Variants in VASN observed in about 807,000 individuals in gnomAD.
VASN encodes protein slit-like 2.
In VASN, 5 loss-of-function variants were observed where a neutral mutation model predicts 4.8. The ratio of observed to expected loss-of-function variants is 1.03; its 90% CI spans 0.54 to 2.17. The LOEUF (loss-of-function observed/expected upper bound fraction) is 2.17. Ranked by LOEUF, VASN falls within the 30% of genes most tolerant of loss-of-function variation. The pLI is 0.01. For synonymous variants in VASN, 499 were observed against 460.8 expected (o/e 1.08, Z -1.06); for missense variants, 927 against 948.8 (o/e 0.98, Z 0.30).
At chr16:4,376,584 T>C (rs2054739913) in intron 1 of VASN, among the ~76,000 whole-genome samples, 1 of 152,134 alleles carries the variant, frequency 6.6e-6, no homozygotes, top group Admixed American at 6.5e-5. Flanking sequence ...GCTGATGTGG[T>C]CACCAGATGC....
chr16:4,373,471 C>A (rs1016923618), intron 1 of VASN, among the ~76,000 whole-genome samples: 1 of 152,094 alleles, frequency 6.6e-6, no homozygotes, highest in Non-Finnish European at 1.5e-5. Flanking sequence ...CCAGATGGCA[C>A]CTCTCTCTCC....
At chr16:4,373,779 C>T (rs1259100756) in intron 1 of VASN, among the ~76,000 whole-genome samples, 4 of 152,168 alleles carry the variant, frequency 2.6e-5, no homozygotes, top group Non-Finnish European at 4.4e-5. Context: ...GAAAGCAGGG[C>T]CCTGCTGAGC....
Position 4,380,828 on chromosome 16 carries a change from T to G in VASN, c.-9-41T>G, listed in dbSNP as rs761962031. The G allele has an allele frequency of 2.8e-6, 4 of 1,432,132 alleles. No individual in the cohort carries two copies. In the African/African-American group the frequency reaches 5.7e-5, roughly 21 times the overall value. The allele number at this position is 1,432,132 out of a possible 1,614,324, so 88.7% of individuals were successfully genotyped here. On this transcript the variant is annotated intron_variant, in intron 1 of 1. Coordinates refer to ENST00000304735, the MANE Select transcript of VASN (RefSeq NM_138440.3). ...CTGGCGTGTCTGCCTTCTAGGCCCC[T>G]GACTCACAGTCTTCTGTCTCTGCCT...
intron 1 of VASN, among the ~76,000 whole-genome samples, chr16:4,376,408 C>T (rs57054199): frequency 0.027 from 4,179 of 152,264 alleles, 179 homozygotes; most frequent in African/African-American, 0.092. Context: ...AGCGGGGGCC[C>T]GGAGTCTCAG....
In VASN at chr16:4,382,779, C is replaced by G. The variant is rs773431855; in HGVS notation, c.1902C>G (p.Gly634=). 1 of 1,575,402 alleles carries G rather than the reference C, an allele frequency of 6.3e-7. No homozygotes were observed. The highest frequency in any genetic ancestry group is 1.2e-5 in the South Asian group (1 of 86,288). The part of the protein sequence containing the change: ...LEGVKVPLEP[G]PKATEGGGEA... The stretch of plus-strand genomic sequence containing the variant: ...GAGTGAAGGTCCCCTTGGAGCCAGG[C>G]CCGAAGGCAACAGAGGGCGGTGGAG... The change falls in exon 2 of 2, where the codon GGC becomes GGG. Residue 634 remains glycine (G), a synonymous_variant. Coordinates refer to ENST00000304735, the MANE Select transcript of VASN (RefSeq NM_138440.3).
chr16:4,372,515 C>T (rs919236109), intron 1 of VASN, among the ~76,000 whole-genome samples: 9 of 152,284 alleles, frequency 5.9e-5, no homozygotes, highest in African/African-American at 1.9e-4. Context: ...CGTCCGATGC[C>T]CATCCCTCCA....
chr16:4,379,401 C>T (rs1312633543), intron 1 of VASN, among the ~76,000 whole-genome samples: 1 of 152,060 alleles, frequency 6.6e-6, no homozygotes, highest in East Asian at 1.9e-4. Context: ...ACCTGCCTGA[C>T]TTGGGCAGTG....
chr16:4,380,768 T>C (rs1000120584), intron 1 of VASN, 101 bp from the exon 2 acceptor site: 9 of 1,292,110 alleles, frequency 7.0e-6, no homozygotes, highest in Non-Finnish European at 8.2e-6. Context: ...CTCTTGCATT[T>C]GGGGGCAGAA....
At chr16:4,374,871 A>T (rs1436075645) in intron 1 of VASN, among the ~76,000 whole-genome samples, 1 of 151,954 alleles carries the variant, frequency 6.6e-6, no homozygotes, top group Non-Finnish European at 1.5e-5. Context: ...TTGGTGACTA[A>T]GGTGTTCTTC....
At position 4,375,548 on chromosome 16, in the gene VASN, C is replaced by T. The variant is rs576694503; in HGVS notation, c.-10+3555C>T. Reference sequence around the variant, plus strand: ...TGTCACCCAGGCTGGAGTGCAGTGGCGCAATATTGGCTCACTGCAAGCTCC... The same window carrying T: ...TGTCACCCAGGCTGGAGTGCAGTGGTGCAATATTGGCTCACTGCAAGCTCC... On this transcript the variant is annotated intron_variant, in intron 1 of 1. Coordinates refer to ENST00000304735, the MANE Select transcript of VASN (RefSeq NM_138440.3). 1.4e-4 allele frequency among the ~76,000 whole-genome samples: 21 copies of T among 152,310 alleles called. No individual in the cohort carries two copies. The East Asian group carries it at 2.5e-3, about 18-fold the overall frequency.
In VASN at chr16:4,381,785, T is replaced by C. The variant is rs974669533; in HGVS notation, c.908T>C (p.Val303Ala). The C allele has an allele frequency of 1.2e-6, 2 of 1,600,556 alleles. No individual in the cohort carries two copies. The highest frequency in any genetic ancestry group is 2.7e-5 in the African/African-American group (2 of 74,894). ...LAAARNPFNC[V>A]CPLSWFGPWV... ...GCTGCCCGCAACCCCTTCAACTGCG[T>C]GTGCCCCCTGAGCTGGTTTGGCCCC... Residue 303 changes from valine to alanine, a missense_variant, in exon 2 of 2, where the codon GTG (valine) becomes GCG (alanine). Physicochemically the swap from Val to Ala is moderately conservative, Grantham distance 64. Transcript: ENST00000304735.
At position 4,381,323 on chromosome 16, in the gene VASN, G is replaced by T; in HGVS notation, c.446G>T (p.Arg149Leu). 6.2e-7 allele frequency: 1 copy of T among 1,610,692 alleles called. No homozygotes were observed. Among genetic ancestry groups the T allele is most frequent in the Non-Finnish European group, 8.5e-7 (1 of 1,179,138 alleles). ...IQPGAFDTLDRLLELKLQDNE... is the reference protein window; with the variant it reads ...IQPGAFDTLDLLLELKLQDNE... The stretch of plus-strand genomic sequence containing the variant: ...CCTGGTGCCTTCGACACGCTCGACC[G>T]CCTCCTGGAGCTCAAGCTGCAGGAC... Residue 149 changes from arginine to leucine, a missense_variant, in exon 2 of 2, where the codon CGC becomes CTC. Transcript: ENST00000304735.
At chr16:4,374,148 G>A (rs1310931649) in intron 1 of VASN, among the ~76,000 whole-genome samples, 4 of 150,330 alleles carry the variant, frequency 2.7e-5, no homozygotes, top group South Asian at 2.1e-4. Flanking sequence ...TGGCGTGGGC[G>A]TGTCTGTGTG....
chr16:4,373,990 T>C (rs1268865832), intron 1 of VASN, among the ~76,000 whole-genome samples: 2 of 152,132 alleles, frequency 1.3e-5, no homozygotes, highest in Non-Finnish European at 2.9e-5. Flanking sequence ...GTCCCCTCCC[T>C]GGGCTGGGGA....
In VASN at chr16:4,381,465, G is replaced by T. The variant is rs565386785; in HGVS notation, c.588G>T (p.Ala196=). 3.2e-5 allele frequency: 51 copies of T among 1,579,158 alleles called. No individual in the cohort carries two copies. The highest frequency in any genetic ancestry group is 4.1e-5 in the Non-Finnish European group (48 of 1,164,372). Residue 196 remains alanine, a synonymous_variant, in exon 2 of 2, where the codon GCG becomes GCT. Transcript: ENST00000304735. ...TCCTGGACACTGCCAACGTGGAGGCGCTGCGGCTGGCTGGTCTGGGGCTGC... is the reference window on the plus strand; with the variant it reads ...TCCTGGACACTGCCAACGTGGAGGCTCTGCGGCTGGCTGGTCTGGGGCTGC... The part of the protein sequence containing the change: ...PGILDTANVE[A]LRLAGLGLQQ...
chr16:4,373,262 G>T (rs1232721451), intron 1 of VASN, among the ~76,000 whole-genome samples: 3 of 152,090 alleles, frequency 2.0e-5, no homozygotes, highest in Non-Finnish European at 4.4e-5. Context: ...AGCCCAGCTG[G>T]ATCCCCTCCA....
rs150235647 is a variant in VASN, at chr16:4,381,870, G to A, written c.993G>A (p.Pro331=). 20 of 1,603,466 alleles carry A rather than the reference G, an allele frequency of 1.2e-5. No individual in the cohort carries two copies. The highest frequency in any genetic ancestry group is 5.0e-5 in the Admixed American group (3 of 59,886). The change falls in exon 2 of 2, where the codon CCG becomes CCA. Residue 331 remains proline (P), a synonymous_variant. Coordinates refer to ENST00000304735, the MANE Select transcript of VASN (RefSeq NM_138440.3). ...ASPEETRCHF[P]PKNAGRLLLE... is the part of the protein sequence containing the mutation. ...CTGAGGAGACGCGCTGCCACTTCCC[G>A]CCCAAGAACGCTGGCCGGCTGCTCC...
Position 4,380,368 on chromosome 16 carries a change from C to T in VASN, c.-9-501C>T, listed in dbSNP as rs560726415. On this transcript the variant is annotated intron_variant, in intron 1 of 1. Transcript: ENST00000304735. The stretch of plus-strand genomic sequence containing the variant: ...CCATAGTTTCCATGTGAAGTCTTCC[C>T]GCTGCATTCCCTCCTCCAAGGAGGG... Among the ~76,000 whole-genome samples the T allele has an allele frequency of 7.2e-5, 11 of 152,338 alleles. No individual in the cohort carries two copies. In the East Asian group the frequency reaches 1.3e-3, roughly 19 times the overall value.
At chr16:4,378,667 G>T (rs1479044015) in intron 1 of VASN, among the ~76,000 whole-genome samples, 1 of 152,062 alleles carries the variant, frequency 6.6e-6, no homozygotes, top group African/African-American at 2.4e-5. Context: ...CCTGGGGTTT[G>T]GGGTGCTAAC....
Sources: allele counts gnomAD v4.1 joint callset (sites outside exome capture counted in the v4.1 genomes callset), GRCh38; gene constraint gnomAD v4.1.1; transcripts MANE v1.5; gene names NCBI Gene and HGNC (gene_info 2026-07-23, HGNC 2026-07-21).